MYO9B: variants seen among roughly 807,000 people sequenced by gnomAD.
The protein encoded by MYO9B is myosin IXB.
Under a neutral mutation model 229.5 loss-of-function variants are expected in MYO9B, and 71 were observed. The observed-to-expected ratio is 0.31, with a 90% CI of 0.26 to 0.38. MYO9B has a LOEUF of 0.38. Among genes scored for constraint, MYO9B ranks in the 10% least tolerant of loss-of-function variants. The probability of loss-of-function intolerance (pLI) is 1.00; values close to 1 mark genes in which losing one functional copy is unlikely to be tolerated. For synonymous variants in MYO9B, 1,185 were observed against 1,235.8 expected (o/e 0.96, Z 0.86); for missense variants, 2,255 against 2,920.5 (o/e 0.77, Z 5.25).
chr19:17,184,595 C>T, intron 16 of MYO9B: 1 of 399,058 alleles, frequency 2.5e-6, no homozygotes, highest in Non-Finnish European at 4.7e-6. Flanking sequence ...CCTCTCTAAC[C>T]CAGAGGAAGA....
In MYO9B at chr19:17,195,442, C is replaced by A. The variant is rs748214669; in HGVS notation, c.4015C>A (p.Arg1339=). Residue 1339 remains arginine, a synonymous_variant, in exon 22 of 40, where the codon CGG becomes AGG. Coordinates refer to ENST00000682292, the MANE Select transcript of MYO9B (RefSeq NM_004145.4). The surrounding 1 kb of genome is among the most constrained non-coding windows in gnomAD (Gnocchi z 4.5). ...SQSLDLSDRH[R]ATGAALTPTE... The stretch of plus-strand genomic sequence containing the variant: ...GTCCCTGGACCTCAGCGACAGACAC[C>A]GGGCCACAGGGGCCGCCCTCACGCC... The A allele has an allele frequency of 1.2e-6, 2 of 1,604,334 alleles. No individual in the cohort carries two copies. The highest frequency in any genetic ancestry group is 8.5e-7 in the Non-Finnish European group (1 of 1,178,474).
At position 17,102,576 on chromosome 19, in the gene MYO9B, C is replaced by T. The variant is rs558191775; in HGVS notation, c.840+19C>T. On this transcript the variant is annotated intron_variant, in intron 2 of 39. Coordinates refer to ENST00000682292, the MANE Select transcript of MYO9B (RefSeq NM_004145.4). ...GCTGGAGGTGAGCGGGGAAGCTGGTCGGTCTGTGGGAGGGGGCATTTGTTT... is the reference window on the plus strand; with the variant it reads ...GCTGGAGGTGAGCGGGGAAGCTGGTTGGTCTGTGGGAGGGGGCATTTGTTT... 19 of 1,549,880 alleles carry T rather than the reference C, an allele frequency of 1.2e-5. No individual in the cohort carries two copies. Among genetic ancestry groups the T allele is most frequent in the African/African-American group, 9.5e-5 (7 of 73,610 alleles).
At chr19:17,201,687 T>C (rs1386184646) in intron 26 of MYO9B, among the ~76,000 whole-genome samples, 1 of 152,042 alleles carries the variant, frequency 6.6e-6, no homozygotes, top group African/African-American at 2.4e-5. Flanking sequence ...GGATGCTGCT[T>C]AACCTGCTGT....
chr19:17,081,958 G>A (rs1254302280), intron 1 of MYO9B, among the ~76,000 whole-genome samples: 2 of 152,054 alleles, frequency 1.3e-5, no homozygotes, highest in Non-Finnish European at 2.9e-5. Context: ...ACAGGGCATG[G>A]GGCGGGGGTA....
chr19:17,191,356 C>A, intron 20 of MYO9B, 137 bp downstream of exon 20: 1 of 1,183,680 alleles, frequency 8.4e-7, no homozygotes, highest in Non-Finnish European at 1.1e-6. Context: ...CGGGACCCAG[C>A]AGAGCACTGC....
intron 2 of MYO9B, among the ~76,000 whole-genome samples, chr19:17,117,567 T>C (rs2145108328): frequency 6.6e-6 from 1 of 152,294 alleles, no homozygotes; most frequent in African/African-American, 2.4e-5. Flanking sequence ...GAGGGGGTTC[T>C]CTGTAAATCC....
intron 2 of MYO9B, among the ~76,000 whole-genome samples, chr19:17,120,297 C>G (rs2057949815): frequency 6.6e-6 from 1 of 152,176 alleles, no homozygotes; most frequent in Non-Finnish European, 1.5e-5. Context: ...TGGGCAGCCA[C>G]CGCTACTGCC....
chr19:17,137,633 T>G (rs956122907), intron 2 of MYO9B, among the ~76,000 whole-genome samples: 3 of 152,202 alleles, frequency 2.0e-5, no homozygotes, highest in Non-Finnish European at 2.9e-5. Context: ...TTGAGTAGTG[T>G]GACCCGCACA....
intron 30 of MYO9B, among the ~76,000 whole-genome samples, chr19:17,204,968 A>G (rs2073143624): frequency 6.6e-6 from 1 of 152,060 alleles, no homozygotes; most frequent in Non-Finnish European, 1.5e-5. Flanking sequence ...CCTGACCAGC[A>G]TGGAGAAACC....
intron 19 of MYO9B, 86 bp from the exon 20 acceptor site, chr19:17,191,011 C>G (rs1404671797): frequency 7.1e-7 from 1 of 1,406,860 alleles, no homozygotes; most frequent in Non-Finnish European, 9.7e-7. Flanking sequence ...CCAGCTTCAC[C>G]TTAACCAGGG....
intron 3 of MYO9B, among the ~76,000 whole-genome samples, chr19:17,147,934 G>A (rs950462993): frequency 2.0e-5 from 3 of 151,814 alleles, no homozygotes; most frequent in Non-Finnish European, 4.4e-5. Flanking sequence ...TGCCCGCCTT[G>A]GTCTCCCGAA....
At chr19:17,189,197 G>C (rs1157484698) in intron 19 of MYO9B, among the ~76,000 whole-genome samples, 2 of 151,746 alleles carry the variant, frequency 1.3e-5, no homozygotes. Flanking sequence ...AAGGTGGTAT[G>C]CACCTGTGGT....
At chr19:17,163,976 A>G (rs1443356202) in intron 10 of MYO9B, among the ~76,000 whole-genome samples, 2 of 152,190 alleles carry the variant, frequency 1.3e-5, no homozygotes, top group Non-Finnish European at 2.9e-5. Flanking sequence ...GCTGCTTTCA[A>G]TTCTTTCGGG....
At chr19:17,145,117 A>C (rs1286673179) in intron 2 of MYO9B, among the ~76,000 whole-genome samples, 1 of 152,052 alleles carries the variant, frequency 6.6e-6, no homozygotes, top group Non-Finnish European at 1.5e-5. Flanking sequence ...GTCTCTACTA[A>C]AATACAAAAA....
intron 19 of MYO9B, among the ~76,000 whole-genome samples, chr19:17,189,235 A>G (rs1394013688): frequency 6.6e-6 from 1 of 151,968 alleles, no homozygotes; most frequent in Non-Finnish European, 1.5e-5. Flanking sequence ...CTGAGGTGAG[A>G]AGATCACTTG....
intron 4 of MYO9B, among the ~76,000 whole-genome samples, chr19:17,153,623 G>A (rs975932722): frequency 1.3e-5 from 2 of 151,386 alleles, no homozygotes; most frequent in Non-Finnish European, 2.9e-5. Flanking sequence ...TTGAACCCAG[G>A]AGGTCGAGGC....
In MYO9B at chr19:17,139,353, G is replaced by A. The variant is rs1313460752; in HGVS notation, c.841-6044G>A. 2.6e-5 allele frequency among the ~76,000 whole-genome samples: 4 copies of A among 152,092 alleles called. No individual in the cohort carries two copies. In the East Asian group the frequency reaches 5.8e-4, roughly 22 times the overall value. Reference sequence around the variant, plus strand: ...AATCCTAGCACTTTGCAAGGCCTAGGCAGGAAAATCGCTTGAACTCAGGAG... The same window carrying A: ...AATCCTAGCACTTTGCAAGGCCTAGACAGGAAAATCGCTTGAACTCAGGAG... On this transcript the variant is annotated intron_variant, in intron 2 of 39. Coordinates refer to ENST00000682292, the MANE Select transcript of MYO9B (RefSeq NM_004145.4).
At chr19:17,096,786 A>G (rs1211830533) in intron 1 of MYO9B, among the ~76,000 whole-genome samples, 1 of 149,536 alleles carries the variant, frequency 6.7e-6, no homozygotes, top group South Asian at 2.1e-4. Context: ...GCTCACTGCA[A>G]GCTCCGCCTT....
intron 31 of MYO9B, 54 bp from the exon 32 acceptor site, chr19:17,205,906 G>A: frequency 6.7e-7 from 1 of 1,496,866 alleles, no homozygotes; most frequent in Non-Finnish European, 8.9e-7. Flanking sequence ...CCCAGAGACA[G>A]CTGGAGAGGA....
Sources: allele counts gnomAD v4.1 joint callset (sites outside exome capture counted in the v4.1 genomes callset), GRCh38; gene constraint gnomAD v4.1.1; non-coding constraint Gnocchi (gnomAD v3.1); transcripts MANE v1.5; gene names NCBI Gene and HGNC (gene_info 2026-07-23, HGNC 2026-07-21).